Variants in AARS1 observed in about 807,000 individuals in gnomAD.
AARS1 encodes alanine--tRNA ligase, cytoplasmic.
AARS1 carries 72 observed loss-of-function variants against 108.9 expected under a neutral mutation model. That is an observed-to-expected ratio of 0.66 (90% CI 0.55 to 0.80). The LOEUF (loss-of-function observed/expected upper bound fraction) is 0.80, where lower values mean the gene tolerates loss of function less well. AARS1 is among the 30% of genes least tolerant of loss of function. AARS1 has a pLI of 0.00. For missense variants in AARS1, 1,193 were observed against 1,233.2 expected (o/e 0.97, Z 0.49); for synonymous variants, 489 against 465.7 (o/e 1.05, Z -0.64).
At chr16:70,277,758 CTTT>C (rs573677725) in intron 2 of AARS1, among the ~76,000 whole-genome samples, 1 of 137,806 alleles carries the variant, frequency 7.3e-6, no homozygotes. Context: ...CCACTAGACA[CTTT>C]TTTTTTTTTT....
Position 70,265,113 on chromosome 16 carries a change from G to C in AARS1, c.1348-11C>G, listed in dbSNP as rs1332894937. The C allele has an allele frequency of 1.9e-6, 3 of 1,613,914 alleles. No individual in the cohort carries two copies. Among genetic ancestry groups the C allele is most frequent in the African/African-American group, 2.7e-5 (2 of 74,926 alleles). On this transcript the variant is annotated splice_polypyrimidine_tract_variant and intron_variant, in intron 10 of 20. Transcript: ENST00000261772. ...GCCCTGTGATTTCAGCTGTCAGCAA[G>C]AGAAACAAGCATAAGTTACCGTAAA...
At position 70,252,873 on chromosome 16, in the gene AARS1, A is replaced by G; in HGVS notation, c.2755T>C (p.Trp919Arg). The G allele has an allele frequency of 1.9e-6, 3 of 1,614,008 alleles. No individual in the cohort carries two copies. Among genetic ancestry groups the G allele is most frequent in the Non-Finnish European group, 1.7e-6 (2 of 1,179,992 alleles). ...AANRGLKASEWVQQVSGLMDG... is the reference protein window; with the variant it reads ...AANRGLKASERVQQVSGLMDG... ...ATCAAGCCTGACACCTGCTGCACCC[A>G]CTCGCTGGCTTTTAAGCCCCGATTG... Residue 919 changes from tryptophan to arginine, a missense_variant, in exon 21 of 21, where the codon TGG becomes CGG. By Grantham distance (101) the Trp-to-Arg change is moderately radical (BLOSUM62 -3). Coordinates refer to ENST00000261772, the MANE Select transcript of AARS1 (RefSeq NM_001605.3).
intron 2 of AARS1, among the ~76,000 whole-genome samples, chr16:70,279,592 G>T (rs767885074): frequency 6.8e-6 from 1 of 147,170 alleles, no homozygotes; most frequent in Non-Finnish European, 1.5e-5. Context: ...TCCAGGAGGC[G>T]TAGGCTGCAG....
At chr16:70,258,419 T>C (rs1567603023) in intron 14 of AARS1, among the ~76,000 whole-genome samples, 2 of 152,188 alleles carry the variant, frequency 1.3e-5, no homozygotes, top group Non-Finnish European at 2.9e-5. Context: ...TGTTAAACTG[T>C]GGACCAAATC....
At chr16:70,283,249 T>C (rs940798214) in intron 1 of AARS1, among the ~76,000 whole-genome samples, 2 of 151,696 alleles carry the variant, frequency 1.3e-5, no homozygotes, top group East Asian at 1.9e-4. Flanking sequence ...ATACAAAAAG[T>C]AACTGGGCAT....
At chr16:70,254,093 G>A in intron 17 of AARS1, 55 bp from the exon 18 acceptor site, 2 of 1,609,076 alleles carry the variant, frequency 1.2e-6, no homozygotes, top group Non-Finnish European at 1.7e-6. Flanking sequence ...GGGATGTCAG[G>A]GTCCAGCCCA....
At chr16:70,281,178 T>C (rs1375421395) in intron 2 of AARS1, among the ~76,000 whole-genome samples, 1 of 152,134 alleles carries the variant, frequency 6.6e-6, no homozygotes, top group African/African-American at 2.4e-5. Context: ...TACTAACTAA[T>C]AAATTTTCTT....
intron 7 of AARS1, among the ~76,000 whole-genome samples, chr16:70,269,213 G>A (rs941386241): frequency 4.0e-5 from 6 of 151,774 alleles, no homozygotes; most frequent in Admixed American, 3.3e-4. Flanking sequence ...CCATCTATTC[G>A]GGAGGCTGAG....
At chr16:70,281,181 AT>A (rs1453906638) in intron 2 of AARS1, among the ~76,000 whole-genome samples, 1 of 152,036 alleles carries the variant, frequency 6.6e-6, no homozygotes, top group Non-Finnish European at 1.5e-5. Context: ...TAACTAATAA[AT>A]TTTCTTCAGC....
rs375962062 is a variant in AARS1 at position 70,263,484 on chromosome 16, T to A, written c.1493-960A>T. On this transcript the variant is annotated intron_variant, in intron 11 of 20. Coordinates refer to ENST00000261772, the MANE Select transcript of AARS1 (RefSeq NM_001605.3). ...TAATTGGGAGGCTGAGGCAGGAGAA[T>A]CACTTCAAGCTGGGAGGCAGAAGTT... is the stretch of plus-strand genomic sequence containing the variant. Among the ~76,000 whole-genome samples the A allele has an allele frequency of 3.3e-5, 5 of 150,254 alleles. No individual in the cohort carries two copies. The East Asian group carries it at 1.0e-3, about 30-fold the overall frequency.
rs1379999969 is a variant in AARS1 at position 70,267,819 on chromosome 16, G to A, written c.1072-10C>T. The A allele has an allele frequency of 1.2e-6, 2 of 1,614,140 alleles. No individual in the cohort carries two copies. Among genetic ancestry groups the A allele is most frequent in the Admixed American group, 3.3e-5 (2 of 60,006 alleles). On this transcript the variant is annotated splice_polypyrimidine_tract_variant and intron_variant, in intron 8 of 20. Transcript: ENST00000261772. ...CAGGAAATGCATCTCCCTGACAAAGGGGAAGCAAGATGAGGGGCTGGATGA... is the reference window on the plus strand; with the variant it reads ...CAGGAAATGCATCTCCCTGACAAAGAGGAAGCAAGATGAGGGGCTGGATGA...
intron 2 of AARS1, among the ~76,000 whole-genome samples, chr16:70,282,026 C>A (rs1024421971): frequency 6.6e-6 from 1 of 152,040 alleles, no homozygotes; most frequent in Non-Finnish European, 1.5e-5. Flanking sequence ...GTGGTGGGCA[C>A]CTGTAGTCCC....
chr16:70,260,703 C>A (rs1960111903), intron 13 of AARS1, among the ~76,000 whole-genome samples: 2 of 151,762 alleles, frequency 1.3e-5, no homozygotes, highest in African/African-American at 4.8e-5. Flanking sequence ...CGCTCTGTTG[C>A]CCAGGCTGGT....
Position 70,279,565 on chromosome 16 carries a change from C to T in AARS1, c.145-2411G>A, listed in dbSNP as rs532873102. Among the ~76,000 whole-genome samples, 255 of 147,080 alleles carry T rather than the reference C, an allele frequency of 1.7e-3. 1 individual carries two copies. Among genetic ancestry groups the T allele is most frequent in the Middle Eastern group, 3.6e-3 (1 of 276 alleles). The stretch of plus-strand genomic sequence containing the variant: ...ATCCTAGCCACTCGGGAGGGTGAAG[C>T]AGGAGAATCGCTTGAATCCAGGAGG... On this transcript the variant is annotated intron_variant, in intron 2 of 20. Transcript: ENST00000261772.
In AARS1 at chr16:70,258,364, C is replaced by T. The variant is rs1460379465; in HGVS notation, c.1993-147G>A. ...GCCATGAGCTTCCTCAATCACACGC[C>T]ACGTGCAAAGTCAAGGGCATCAGTA... On this transcript the variant is annotated intron_variant, in intron 14 of 20. Coordinates refer to ENST00000261772, the MANE Select transcript of AARS1 (RefSeq NM_001605.3). 3.7e-6 allele frequency: 3 copies of T among 804,936 alleles called. No individual in the cohort carries two copies. In the East Asian group the frequency reaches 8.0e-5, roughly 21 times the overall value. The allele number at this position is 804,936 out of a possible 1,614,324, so 49.9% of individuals were successfully genotyped here.
At chr16:70,258,841 T>A (rs7186104) in intron 14 of AARS1, 139 bp downstream of exon 14, 1 of 1,004,996 alleles carries the variant, frequency 1.0e-6, no homozygotes, top group East Asian at 2.5e-5. Context: ...AGGCGTGAGC[T>A]ACCGTGCCCA....
chr16:70,271,942 G>A lies in AARS1; in HGVS notation c.510C>T (p.Asn170=). The stretch of plus-strand genomic sequence containing the variant: ...CCATCTCCCAGAAGTTATCCTTCAT[G>A]TTGCCTGGGAGGATTTTGGTGTCAT... The part of the protein sequence containing the change: ...GLDDTKILPG[N]MKDNFWEMGD... Residue 170 remains asparagine (N), a synonymous_variant, in exon 5 of 21, where the codon AAC becomes AAT. Coordinates refer to ENST00000261772, the MANE Select transcript of AARS1 (RefSeq NM_001605.3). The A allele has an allele frequency of 6.2e-7, 1 of 1,614,130 alleles. No homozygotes were observed. Among genetic ancestry groups the A allele is most frequent in the Non-Finnish European group, 8.5e-7 (1 of 1,180,022 alleles).
rs767876559 is a variant in AARS1 at position 70,282,774 on chromosome 16, A to AC, written c.-12dup. 1 of 1,613,776 alleles carries AC rather than the reference A, an allele frequency of 6.2e-7. No individual in the cohort carries two copies. Among genetic ancestry groups the AC allele is most frequent in the African/African-American group, 1.3e-5 (1 of 74,958 alleles). ...TAGAGTAGAGTCCATCTTGAAAGTCACCCCAAAGAACTAATCAAAGAAAAA... is the reference window on the plus strand; with the variant it reads ...TAGAGTAGAGTCCATCTTGAAAGTCACCCCCAAAGAACTAATCAAAGAAAAA... On this transcript the variant is annotated 5_prime_UTR_variant, in exon 2 of 21. Coordinates refer to ENST00000261772, the MANE Select transcript of AARS1 (RefSeq NM_001605.3).
At chr16:70,266,576 T>TAC (rs1567606315) in intron 9 of AARS1, among the ~76,000 whole-genome samples, 1 of 149,876 alleles carries the variant, frequency 6.7e-6, no homozygotes, top group East Asian at 2.0e-4. Flanking sequence ...GGCTGGAGTG[T>TAC]ACTGGTGTGA....
Sources: allele counts gnomAD v4.1 joint callset (sites outside exome capture counted in the v4.1 genomes callset), GRCh38; gene constraint gnomAD v4.1.1; transcripts MANE v1.5; gene names NCBI Gene and HGNC (gene_info 2026-07-23, HGNC 2026-07-21).